SOX5: variants seen among roughly 807,000 people sequenced by gnomAD.
SOX5 encodes the protein transcription factor SOX-5.
SOX5 carries 9 observed loss-of-function variants against 92.0 expected under a neutral mutation model. The observed-to-expected ratio is 0.10, with a 90% CI of 0.06 to 0.17. The LOEUF is 0.17. SOX5 is among the 10% of genes least tolerant of loss of function. The pLI, the probability that SOX5 is intolerant of heterozygous loss-of-function variation, is 1.00. For missense variants in SOX5, 642 were observed against 944.5 expected, an observed-to-expected ratio of 0.68 and a Z score of 4.20; for synonymous variants, 344 against 336.3, an observed-to-expected ratio of 1.02 and a Z score of -0.25.
intron 2 of SOX5, among the ~76,000 whole-genome samples, chr12:23,888,977 G>A (rs1440263501): frequency 6.6e-6 from 1 of 152,140 alleles, no homozygotes; most frequent in African/African-American, 2.4e-5. Flanking sequence ...GTATGTGTGT[G>A]TAGAATTATA....
At position 24,043,332 on chromosome 12, in the gene SOX5, C is replaced by T. The variant is rs545155408; in HGVS notation, c.-1-147308G>A. ...ACCTTGCACGCGTAAGCATTGAGAA[C>T]ACCAGAAAAAACAAAATATCTGAAT... On this transcript the variant is annotated intron_variant, in intron 4 of 4. Coordinates refer to the SOX5 transcript ENST00000446891. 6.6e-5 allele frequency among the ~76,000 whole-genome samples: 10 copies of T among 152,286 alleles called. No individual in the cohort carries two copies. In the South Asian group the frequency reaches 2.1e-3, roughly 32 times the overall value.
At chr12:24,276,866 G>A (rs1393838984) in intron 3 of SOX5, among the ~76,000 whole-genome samples, 1 of 151,914 alleles carries the variant, frequency 6.6e-6, no homozygotes, top group Non-Finnish European at 1.5e-5. Context: ...TTATTTTGAA[G>A]CAACAACAAA....
intron 2 of SOX5, among the ~76,000 whole-genome samples, chr12:24,316,506 ACT>A (rs1949708968): frequency 6.6e-6 from 1 of 152,040 alleles, no homozygotes; most frequent in Non-Finnish European, 1.5e-5. Flanking sequence ...CTTTCAACTC[ACT>A]CATCAGAAGT....
intron 10 of SOX5, among the ~76,000 whole-genome samples, chr12:23,568,589 T>C (rs1323185618): frequency 6.6e-6 from 1 of 152,102 alleles, no homozygotes; most frequent in Non-Finnish European, 1.5e-5. Context: ...TGGCACAGAA[T>C]TCATCATCTT....
intron 3 of SOX5, among the ~76,000 whole-genome samples, chr12:24,232,920 C>T (rs897963793): frequency 3.3e-5 from 5 of 152,194 alleles, no homozygotes; most frequent in Non-Finnish European, 5.9e-5. Flanking sequence ...CAGCAATCTA[C>T]TGGTATTAAA....
At chr12:24,089,568 T>C (rs1351028755) in intron 4 of SOX5, among the ~76,000 whole-genome samples, 1 of 152,168 alleles carries the variant, frequency 6.6e-6, no homozygotes, top group African/African-American at 2.4e-5. Context: ...ATTATTTTTA[T>C]AATTAACTAC....
intron 3 of SOX5, among the ~76,000 whole-genome samples, chr12:23,840,273 G>A (rs1340972695): frequency 6.6e-6 from 1 of 152,018 alleles, no homozygotes; most frequent in African/African-American, 2.4e-5. Flanking sequence ...AGGTATAAAT[G>A]TAACAAAGTA....
At chr12:24,365,989 G>A (rs921203478) in intron 2 of SOX5, among the ~76,000 whole-genome samples, 2 of 151,872 alleles carry the variant, frequency 1.3e-5, no homozygotes, top group African/African-American at 2.4e-5. Flanking sequence ...TCCTCATTTT[G>A]CCTCTTTATT....
chr12:24,338,161 ATTT>A (rs1952124560), intron 2 of SOX5, among the ~76,000 whole-genome samples: 2 of 152,264 alleles, frequency 1.3e-5, no homozygotes, highest in African/African-American at 4.8e-5. Context: ...ATTTCCAATA[ATTT>A]TTATTAATAA....
At chr12:23,926,555 TA>T (rs1940001062) in intron 1 of SOX5, among the ~76,000 whole-genome samples, 2 of 152,142 alleles carry the variant, frequency 1.3e-5, no homozygotes, top group African/African-American at 4.8e-5. Context: ...TTATGTTTAG[TA>T]AATTCAAAAT....
At chr12:23,892,296 G>T (rs1255513549) in intron 2 of SOX5, among the ~76,000 whole-genome samples, 2 of 151,996 alleles carry the variant, frequency 1.3e-5, no homozygotes, top group Non-Finnish European at 2.9e-5. Flanking sequence ...AAAATAGAGA[G>T]TTTTCCAAGT....
intron 1 of SOX5, among the ~76,000 whole-genome samples, chr12:24,522,206 A>C (rs936258274): frequency 6.6e-6 from 1 of 152,004 alleles, no homozygotes; most frequent in Non-Finnish European, 1.5e-5. Flanking sequence ...TATGAGACTT[A>C]TAAGAATGAA....
At chr12:24,014,078 GTT>G (rs777466620) in intron 4 of SOX5, among the ~76,000 whole-genome samples, 20 of 152,294 alleles carry the variant, frequency 1.3e-4, no homozygotes, top group Non-Finnish European at 2.2e-4. Flanking sequence ...GTGACTTGTA[GTT>G]TTTATGAAAA....
At chr12:24,506,782 G>GTTTTTTTTTTTTTTTTTTTT (rs1386116375) in intron 1 of SOX5, among the ~76,000 whole-genome samples, 6 of 80,266 alleles carry the variant, frequency 7.5e-5, no homozygotes, top group African/African-American at 1.5e-4. Flanking sequence ...TATCCAAATG[G>GTTTTTTTTTTTTTTTTTTTT]TCTTTTTTTT....
intron 4 of SOX5, among the ~76,000 whole-genome samples, chr12:24,077,777 A>ATATG (rs1555502078): frequency 1.5e-5 from 1 of 67,088 alleles, no homozygotes; most frequent in African/African-American, 5.1e-5. Context: ...ATTTTCATAT[A>ATATG]TATATATATA....
At chr12:23,988,592 C>T (rs966581875) in intron 4 of SOX5, among the ~76,000 whole-genome samples, 4 of 152,114 alleles carry the variant, frequency 2.6e-5, no homozygotes, top group African/African-American at 9.7e-5. Context: ...AATAAGCAAG[C>T]ACTAATTAAT....
chr12:23,977,977 C>T (rs1372306409), intron 4 of SOX5, among the ~76,000 whole-genome samples: 1 of 152,168 alleles, frequency 6.6e-6, no homozygotes, highest in African/African-American at 2.4e-5. Flanking sequence ...AAACAAACTA[C>T]TTGAAACAAC....
chr12:23,650,603 TG>T (rs2081429758), intron 7 of SOX5, among the ~76,000 whole-genome samples: 1 of 152,076 alleles, frequency 6.6e-6, no homozygotes, highest in Admixed American at 6.6e-5. Context: ...GAGAAATTGG[TG>T]GGTGCCTTCA....
At chr12:24,378,436 AG>A (rs1323792689) in intron 1 of SOX5, among the ~76,000 whole-genome samples, 2 of 152,246 alleles carry the variant, frequency 1.3e-5, no homozygotes, top group Non-Finnish European at 1.5e-5. Flanking sequence ...TAATCTTAAA[AG>A]GGTTTCCATT....
Sources: allele counts gnomAD v4.1 joint callset (sites outside exome capture counted in the v4.1 genomes callset), GRCh38; gene constraint gnomAD v4.1.1; transcripts MANE v1.5; gene names NCBI Gene and HGNC (gene_info 2026-07-23, HGNC 2026-07-21).